Variants in TMEM132D observed in about 807,000 individuals in gnomAD.
TMEM132D encodes the protein mature OL transmembrane protein.
In TMEM132D, 21 loss-of-function variants were observed where a neutral mutation model predicts 62.3. The observed-to-expected ratio is 0.34, with a 90% CI of 0.24 to 0.49. The LOEUF (loss-of-function observed/expected upper bound fraction) is 0.49. Ranked by LOEUF, TMEM132D falls within the 20% of genes least tolerant of loss-of-function variation. The pLI, the probability that TMEM132D is intolerant of heterozygous loss-of-function variation, is 0.99. For missense variants in TMEM132D, 1,346 were observed against 1,402.8 expected (o/e 0.96, Z 0.65); for synonymous variants, 621 against 575.6 (o/e 1.08, Z -1.13).
At chr12:129,207,322 C>T (rs552905121) in intron 5 of TMEM132D, among the ~76,000 whole-genome samples, 2 of 151,890 alleles carry the variant, frequency 1.3e-5, no homozygotes, top group Admixed American at 6.6e-5. Flanking sequence ...ACCGCCCTCA[C>T]AGAGCTTAGG....
intron 1 of TMEM132D, among the ~76,000 whole-genome samples, chr12:129,755,357 TA>T (rs1340717008): frequency 6.6e-6 from 1 of 152,230 alleles, no homozygotes; most frequent in African/African-American, 2.4e-5. Context: ...ATTCTATTTT[TA>T]CGAAAAGTGT....
intron 2 of TMEM132D, among the ~76,000 whole-genome samples, chr12:129,673,407 A>G (rs907097735): frequency 6.6e-6 from 1 of 152,232 alleles, no homozygotes; most frequent in South Asian, 2.1e-4. Flanking sequence ...TTTCCATTCT[A>G]CTTTCATACA....
intron 5 of TMEM132D, among the ~76,000 whole-genome samples, chr12:129,142,397 G>T (rs1358606331): frequency 4.6e-5 from 7 of 152,132 alleles, no homozygotes; most frequent in African/African-American, 1.7e-4. Context: ...CACAGCATTA[G>T]ATCTCATTTA....
At chr12:129,537,153 C>G (rs1438070104) in intron 2 of TMEM132D, among the ~76,000 whole-genome samples, 1 of 26,926 alleles carries the variant, frequency 3.7e-5, no homozygotes. Flanking sequence ...GAGTGAAACT[C>G]TGTCTAAAAA....
chr12:129,510,887 A>G (rs1224522533), intron 3 of TMEM132D, among the ~76,000 whole-genome samples: 2 of 152,132 alleles, frequency 1.3e-5, no homozygotes, highest in Non-Finnish European at 2.9e-5. Flanking sequence ...CAGGTTCTCT[A>G]TTCTGTTCCA....
chr12:129,181,088 G>C (rs1878053978), intron 5 of TMEM132D, among the ~76,000 whole-genome samples: 1 of 152,072 alleles, frequency 6.6e-6, no homozygotes. Flanking sequence ...TGAAGATGGG[G>C]GATGTGGACA....
chr12:129,636,726 G>GTC (rs1234465204), intron 2 of TMEM132D, among the ~76,000 whole-genome samples: 4 of 130,734 alleles, frequency 3.1e-5, no homozygotes, highest in African/African-American at 1.1e-4. Flanking sequence ...GTGTGTGTGT[G>GTC]TGTGTGTGTG....
intron 4 of TMEM132D, among the ~76,000 whole-genome samples, chr12:129,324,819 C>G (rs1328171044): frequency 6.6e-6 from 1 of 151,990 alleles, no homozygotes; most frequent in Non-Finnish European, 1.5e-5. Flanking sequence ...TAGAGCGAGA[C>G]TCCATCTCAA....
intron 1 of TMEM132D, among the ~76,000 whole-genome samples, chr12:129,831,876 C>CTTTTTTT (rs71085576): frequency 1.6e-3 from 221 of 134,910 alleles, no homozygotes; most frequent in African/African-American, 4.7e-3. Context: ...CTTTCTTTTT[C>CTTTTTTT]TTTTTTTTTT....
At chr12:129,773,758 T>G (rs911960390) in intron 1 of TMEM132D, among the ~76,000 whole-genome samples, 6 of 152,184 alleles carry the variant, frequency 3.9e-5, no homozygotes, top group Admixed American at 2.0e-4. Flanking sequence ...CACCAGGACA[T>G]TCTTGGTTGG....
intron 3 of TMEM132D, among the ~76,000 whole-genome samples, chr12:129,528,586 A>C (rs1348994886): frequency 2.0e-5 from 3 of 152,232 alleles, no homozygotes; most frequent in African/African-American, 7.2e-5. Flanking sequence ...TGTGCTCACA[A>C]AAGTACCCTT....
chr12:129,341,299 T>A (rs1284791414), intron 3 of TMEM132D, among the ~76,000 whole-genome samples: 4 of 152,234 alleles, frequency 2.6e-5, no homozygotes, highest in South Asian at 2.1e-4. Flanking sequence ...CAGAAGGGAA[T>A]CTGATGTATT....
intron 5 of TMEM132D, among the ~76,000 whole-genome samples, chr12:129,202,475 T>A (rs1347720635): frequency 1.3e-5 from 2 of 152,142 alleles, no homozygotes; most frequent in Non-Finnish European, 2.9e-5. Flanking sequence ...GCTGTGAGGT[T>A]TTTCATTTTT....
chr12:129,418,864 CAG>C (rs1566062660), intron 3 of TMEM132D, among the ~76,000 whole-genome samples: 1 of 152,060 alleles, frequency 6.6e-6, no homozygotes, highest in Non-Finnish European at 1.5e-5. Flanking sequence ...GGTAAAGATG[CAG>C]AGATACAGAT....
intron 5 of TMEM132D, among the ~76,000 whole-genome samples, chr12:129,184,233 T>C (rs941568879): frequency 2.0e-5 from 3 of 152,092 alleles, no homozygotes; most frequent in Non-Finnish European, 4.4e-5. Context: ...CGGAGGGGCA[T>C]GGGGAGTCTC....
intron 5 of TMEM132D, among the ~76,000 whole-genome samples, chr12:129,117,957 C>T (rs1040137324): frequency 6.6e-6 from 1 of 152,212 alleles, no homozygotes; most frequent in Non-Finnish European, 1.5e-5. Context: ...TGTGGTGACA[C>T]GTCAGCCCCT....
chr12:129,250,739 C>T (rs923240751), intron 4 of TMEM132D, among the ~76,000 whole-genome samples: 2 of 152,138 alleles, frequency 1.3e-5, no homozygotes, highest in African/African-American at 4.8e-5. Context: ...ATGACCAAGC[C>T]CTCCAAAGAC....
At chr12:129,848,234 A>G (rs1384860441) in intron 1 of TMEM132D, among the ~76,000 whole-genome samples, 1 of 152,188 alleles carries the variant, frequency 6.6e-6, no homozygotes, top group East Asian at 1.9e-4. Flanking sequence ...TGCCAATAAA[A>G]CACTCAAAAA....
intron 1 of TMEM132D, among the ~76,000 whole-genome samples, chr12:129,847,811 G>A (rs1236606656): frequency 6.6e-6 from 1 of 152,082 alleles, no homozygotes; most frequent in Non-Finnish European, 1.5e-5. Context: ...TGTCGTGCAA[G>A]AAGTCTGACA....
Sources: allele counts gnomAD v4.1 joint callset (sites outside exome capture counted in the v4.1 genomes callset), GRCh38; gene constraint gnomAD v4.1.1; transcripts MANE v1.5; gene names NCBI Gene and HGNC (gene_info 2026-07-23, HGNC 2026-07-21).